The following GABRG3 variants were observed in gnomAD, a reference collection of about 807,000 sequenced individuals.
The protein encoded by GABRG3 is gamma-aminobutyric acid type A receptor subunit gamma3, also known as gamma-aminobutyric acid receptor subunit gamma-3.
GABRG3 carries 25 observed loss-of-function variants against 48.8 expected under a neutral mutation model. That is an observed-to-expected ratio of 0.51 (90% confidence interval 0.37 to 0.72). GABRG3 has a LOEUF of 0.72. Ranked by LOEUF, GABRG3 falls within the 30% of genes least tolerant of loss-of-function variation. The probability of loss-of-function intolerance (pLI) is 0.00; values close to 1 mark genes in which losing one functional copy is unlikely to be tolerated. For missense variants in GABRG3, 394 were observed against 577.9 expected (o/e 0.68, Z 3.26); for synonymous variants, 227 against 217.6 (o/e 1.04, Z -0.38).
At chr15:27,016,370 A>G (rs1476030998) in intron 2 of GABRG3, among the ~76,000 whole-genome samples, 1 of 151,704 alleles carries the variant, frequency 6.6e-6, no homozygotes, top group Admixed American at 6.6e-5. Context: ...AGTTTTTACC[A>G]TATGTAATAT....
At chr15:27,316,554 G>GT (rs1188176712) in intron 3 of GABRG3, among the ~76,000 whole-genome samples, 5 of 152,156 alleles carry the variant, frequency 3.3e-5, no homozygotes, top group Non-Finnish European at 7.4e-5. Context: ...AAATAATATA[G>GT]TAACTGCACG....
chr15:27,337,334 A>G (rs1229786029), intron 5 of GABRG3, among the ~76,000 whole-genome samples: 1 of 152,234 alleles, frequency 6.6e-6, no homozygotes, highest in African/African-American at 2.4e-5. Flanking sequence ...AAAAGGGAAC[A>G]GGTGGAGTTA....
chr15:27,029,455 A>G (rs113570473), intron 3 of GABRG3, among the ~76,000 whole-genome samples: 4 of 144,558 alleles, frequency 2.8e-5, no homozygotes, highest in South Asian at 2.2e-4. Flanking sequence ...ACACACACAC[A>G]CGCATGCACA....
intron 3 of GABRG3, among the ~76,000 whole-genome samples, chr15:27,257,493 A>T (rs945068054): frequency 1.3e-4 from 20 of 149,638 alleles, no homozygotes; most frequent in African/African-American, 4.5e-4. Context: ...TTCTCCTAGA[A>T]GTTCTATAGT....
chr15:27,510,368 C>T (rs1382261035), intron 6 of GABRG3, among the ~76,000 whole-genome samples: 6 of 152,158 alleles, frequency 3.9e-5, no homozygotes, highest in Non-Finnish European at 7.4e-5. Flanking sequence ...AGGGGTAGTG[C>T]TTGCTTGCTT....
chr15:27,076,792 A>C (rs1896917974), intron 3 of GABRG3, among the ~76,000 whole-genome samples: 1 of 152,186 alleles, frequency 6.6e-6, no homozygotes, highest in Admixed American at 6.5e-5. Context: ...AGCCGGAAGA[A>C]TGGGGAATGA....
rs193117318 is a variant in GABRG3, at chr15:27,262,449, C to T, written c.271-64360C>T. Among the ~76,000 whole-genome samples the T allele has an allele frequency of 1.2e-3, 185 of 152,278 alleles. 2 individuals carry two copies. The highest frequency in any genetic ancestry group is 2.8e-4 in the Non-Finnish European group (19 of 68,022). On this transcript the variant is annotated intron_variant, in intron 3 of 9. Coordinates refer to ENST00000615808, the MANE Select transcript of GABRG3 (RefSeq NM_033223.5). The stretch of plus-strand genomic sequence containing the variant: ...ATCTCTACTTCCCTTCTTCAGTGAA[C>T]AGTTTCTTCTCAGGACCCAGTTCTG...
chr15:27,473,613 A>C (rs1265160882), intron 5 of GABRG3, among the ~76,000 whole-genome samples: 1 of 152,192 alleles, frequency 6.6e-6, no homozygotes, highest in Non-Finnish European at 1.5e-5. Context: ...CTAACTTTGT[A>C]TATTTTATTG....
rs7177449 is a variant in GABRG3, at chr15:27,292,862, C to G, written c.271-33947C>G. On this transcript the variant is annotated intron_variant, in intron 3 of 9. Coordinates refer to ENST00000615808, the MANE Select transcript of GABRG3 (RefSeq NM_033223.5). ...GATAAAGGACAAAAGGAAAAGAAAT[C>G]AGGACTATTTCCATAGCAACTGGGA... Among the ~76,000 whole-genome samples the G allele has an allele frequency of 4.7e-3, 711 of 152,186 alleles. 2 individuals are homozygous for G. The highest frequency in any genetic ancestry group is 0.016 in the African/African-American group (674 of 41,514).
intron 5 of GABRG3, among the ~76,000 whole-genome samples, chr15:27,468,056 A>G (rs1486188530): frequency 1.3e-5 from 2 of 152,200 alleles, no homozygotes; most frequent in African/African-American, 4.8e-5. Flanking sequence ...TACAGTTATC[A>G]AATCAACGGT....
chr15:27,328,906 C>G lies in GABRG3; in HGVS notation c.574+18C>G, dbSNP rs779318397. On this transcript the variant is annotated intron_variant, in intron 5 of 9. Transcript: ENST00000615808. ...CTCCAGCTGTGAGTACCAGTCCAAG[C>G]CCGGGGTGTGCATGCTGTGTGAGGG... 122 of 1,606,856 alleles carry G rather than the reference C, an allele frequency of 7.6e-5. No individual in the cohort carries two copies. Among genetic ancestry groups the G allele is most frequent in the Non-Finnish European group, 7.6e-5 (89 of 1,173,546 alleles).
rs5811478 is a variant in GABRG3, at chr15:27,152,711, TACA to T, written c.270+125894_270+125896del. Among the ~76,000 whole-genome samples the T allele has an allele frequency of 3.7e-3, 556 of 152,326 alleles. 6 individuals are homozygous for T. Among genetic ancestry groups the T allele is most frequent in the African/African-American group, 0.013 (543 of 41,578 alleles). On this transcript the variant is annotated intron_variant, in intron 3 of 9. Transcript: ENST00000615808. The stretch of plus-strand genomic sequence containing the variant: ...TTGTCCCTTTTCTAATTGGATTTTT[TACA>T]ACATGAAAAATAATTTTGTTCTTTG...
chr15:27,200,020 C>T lies in GABRG3; in HGVS notation c.271-126789C>T, dbSNP rs150968595. On this transcript the variant is annotated intron_variant, in intron 3 of 9. Transcript: ENST00000615808. Reference sequence around the variant, plus strand: ...CTCTTCCTAGCTTTCTCCTTTCCTTCCTCCCTTACTTTCTCCCTCCCTTTC... The same window carrying T: ...CTCTTCCTAGCTTTCTCCTTTCCTTTCTCCCTTACTTTCTCCCTCCCTTTC... Among the ~76,000 whole-genome samples the T allele has an allele frequency of 7.2e-3, 1,099 of 151,936 alleles. 6 individuals carry two copies. The highest frequency in any genetic ancestry group is 0.012 in the Non-Finnish European group (797 of 67,952).
In GABRG3 at chr15:27,098,791, A is replaced by G. The variant is rs144242933; in HGVS notation, c.270+71970A>G. ...GATTCCAGAAACATAAAAACCCTCA[A>G]TATACTAGATAAAATGTGTCATACC... is the stretch of plus-strand genomic sequence containing the variant. On this transcript the variant is annotated intron_variant, in intron 3 of 9. Transcript: ENST00000615808. 4.1e-3 allele frequency among the ~76,000 whole-genome samples: 630 copies of G among 152,136 alleles called. 3 individuals carry two copies. The highest frequency in any genetic ancestry group is 0.014 in the African/African-American group (597 of 41,482).
intron 5 of GABRG3, among the ~76,000 whole-genome samples, chr15:27,425,508 G>C (rs1888266243): frequency 6.6e-6 from 1 of 151,620 alleles, no homozygotes; most frequent in African/African-American, 2.4e-5. Flanking sequence ...CTACTCGGGA[G>C]GCTGAGGCAG....
chr15:26,978,829 A>G (rs1894999233), intron 2 of GABRG3, among the ~76,000 whole-genome samples: 4 of 152,198 alleles, frequency 2.6e-5, no homozygotes, highest in Non-Finnish European at 5.9e-5. Context: ...TATGCTTTTC[A>G]ATATACATTT....
chr15:27,486,084 A>C (rs1270227434), intron 6 of GABRG3, among the ~76,000 whole-genome samples: 1 of 152,150 alleles, frequency 6.6e-6, no homozygotes, highest in East Asian at 1.9e-4. Flanking sequence ...AGGACTGGAA[A>C]TGTGAAGGCT....
chr15:27,341,218 A>T (rs1261210437), intron 5 of GABRG3, among the ~76,000 whole-genome samples: 2 of 152,110 alleles, frequency 1.3e-5, no homozygotes, highest in East Asian at 3.9e-4. Context: ...CTTTTTTGTG[A>T]TAGAAATATT....
At chr15:27,173,867 G>T (rs1014820064) in intron 3 of GABRG3, among the ~76,000 whole-genome samples, 2 of 152,094 alleles carry the variant, frequency 1.3e-5, no homozygotes, top group African/African-American at 4.8e-5. Context: ...GGGCAGCAGA[G>T]TGAGACTGTC....
Sources: gnomAD v4.1 joint callset for allele counts (sites outside exome capture counted in the v4.1 genomes callset) on GRCh38, gnomAD v4.1.1 for gene constraint, MANE v1.5 for transcripts, NCBI Gene and HGNC (gene_info 2026-07-23, HGNC 2026-07-21) for gene names.